The following PACSIN2 variants were observed in gnomAD, a reference collection of about 807,000 sequenced individuals.
PACSIN2 encodes protein kinase C and casein kinase substrate in neurons protein 2.
In PACSIN2, 25 loss-of-function variants were observed where a neutral mutation model predicts 63.8. The observed-to-expected ratio is 0.39, with a 90% confidence interval of 0.29 to 0.55. The LOEUF (loss-of-function observed/expected upper bound fraction) is 0.55. Ranked by LOEUF, PACSIN2 falls within the 20% of genes least tolerant of loss-of-function variation. The pLI is 0.62. For missense variants in PACSIN2, 518 were observed against 646.9 expected (o/e 0.80, Z 2.16); for synonymous variants, 255 against 256.2 (o/e 1.00, Z 0.05).
At chr22:42,975,205 G>A (rs926264011) in intron 1 of PACSIN2, among the ~76,000 whole-genome samples, 2 of 152,126 alleles carry the variant, frequency 1.3e-5, no homozygotes, top group Non-Finnish European at 2.9e-5. Flanking sequence ...CATGGAGGAC[G>A]CTCCCACCAT....
intron 1 of PACSIN2, among the ~76,000 whole-genome samples, chr22:42,994,826 C>A (rs1601613460): frequency 6.6e-6 from 1 of 152,192 alleles, no homozygotes; most frequent in South Asian, 2.1e-4. Context: ...CCTAGCATAT[C>A]CACACCTAGA....
At chr22:42,967,864 G>T (rs1270955873) in intron 1 of PACSIN2, among the ~76,000 whole-genome samples, 2 of 152,154 alleles carry the variant, frequency 1.3e-5, no homozygotes, top group Non-Finnish European at 2.9e-5. Context: ...CTCCAGCCTG[G>T]GCCGCAGAGC....
At chr22:42,898,644 C>T (rs1930461958) in intron 2 of PACSIN2, among the ~76,000 whole-genome samples, 1 of 152,096 alleles carries the variant, frequency 6.6e-6, no homozygotes, top group African/African-American at 2.4e-5. Flanking sequence ...GGCCACATCC[C>T]TCACAATCAA....
At chr22:42,905,391 A>T (rs761904578) in intron 2 of PACSIN2, among the ~76,000 whole-genome samples, 26 of 152,242 alleles carry the variant, frequency 1.7e-4, no homozygotes, top group Admixed American at 7.9e-4. Context: ...AGTCATTTAG[A>T]CTTGGCCTTG....
chr22:42,959,698 T>A (rs935529425), intron 1 of PACSIN2: 10 of 152,194 alleles, frequency 6.6e-5, no homozygotes, highest in African/African-American at 2.2e-4. Context: ...GAGAGTTCTG[T>A]TAAATCAGTC....
intron 1 of PACSIN2, among the ~76,000 whole-genome samples, chr22:42,951,925 C>T (rs1041215402): frequency 2.6e-5 from 4 of 152,312 alleles, no homozygotes; most frequent in African/African-American, 7.2e-5. Context: ...CTCGGCTTAC[C>T]TTTGCACCTG....
intron 1 of PACSIN2, among the ~76,000 whole-genome samples, chr22:42,939,047 CA>C (rs1394854847): frequency 6.6e-6 from 1 of 152,228 alleles, no homozygotes; most frequent in Non-Finnish European, 1.5e-5. Context: ...CTATCAGAAT[CA>C]GCAGCAAAGG....
chr22:42,937,439 G>A (rs1012259645), intron 1 of PACSIN2, among the ~76,000 whole-genome samples: 5 of 151,996 alleles, frequency 3.3e-5, no homozygotes, highest in African/African-American at 4.8e-5. Context: ...GAGCTTAAAC[G>A]GGCACCGAAG....
intron 1 of PACSIN2, among the ~76,000 whole-genome samples, chr22:42,944,641 A>G (rs1220257125): frequency 4.4e-4 from 67 of 152,246 alleles, no homozygotes; most frequent in Non-Finnish European, 1.6e-4. Flanking sequence ...AAAAATTGGA[A>G]ACGAGTCAGC....
chr22:42,876,853 C>A, intron 9 of PACSIN2, 35 bp downstream of exon 9: 1 of 1,613,162 alleles, frequency 6.2e-7, no homozygotes, highest in Non-Finnish European at 8.5e-7. Flanking sequence ...ACAGAGTGAG[C>A]GCGGTGGGAG....
At chr22:42,929,744 A>G (rs2146771445) in intron 1 of PACSIN2, among the ~76,000 whole-genome samples, 1 of 152,364 alleles carries the variant, frequency 6.6e-6, no homozygotes, top group South Asian at 2.1e-4. Context: ...GGCTCCAAAC[A>G]GAGCCCTGCC....
At chr22:42,899,618 T>A (rs1930534585) in intron 2 of PACSIN2, among the ~76,000 whole-genome samples, 1 of 152,194 alleles carries the variant, frequency 6.6e-6, no homozygotes, top group African/African-American at 2.4e-5. Context: ...CAGGCCTCTG[T>A]GCACAACTAG....
chr22:42,942,844 G>A (rs1030505695), intron 1 of PACSIN2, among the ~76,000 whole-genome samples: 1 of 152,158 alleles, frequency 6.6e-6, no homozygotes, highest in Non-Finnish European at 1.5e-5. Context: ...GGAAGTGTGA[G>A]CCCTCCAACT....
intron 1 of PACSIN2, among the ~76,000 whole-genome samples, chr22:42,994,249 C>G (rs2146908023): frequency 6.6e-6 from 1 of 152,342 alleles, no homozygotes; most frequent in East Asian, 1.9e-4. Context: ...AGCAGGGGGA[C>G]AGGCCTGCTC....
At chr22:42,903,378 C>T (rs1201428627) in intron 2 of PACSIN2, among the ~76,000 whole-genome samples, 1 of 152,208 alleles carries the variant, frequency 6.6e-6, no homozygotes, top group East Asian at 1.9e-4. Flanking sequence ...ATCTTCCTTT[C>T]CAAACGGGGA....
At chr22:43,004,280 G>A (rs937511162) in intron 1 of PACSIN2, among the ~76,000 whole-genome samples, 2 of 152,158 alleles carry the variant, frequency 1.3e-5, no homozygotes, top group Non-Finnish European at 2.9e-5. Flanking sequence ...AAATGGGCAG[G>A]AATGTAAAGC....
intron 2 of PACSIN2, among the ~76,000 whole-genome samples, chr22:42,906,589 C>T (rs1301221706): frequency 6.6e-6 from 1 of 152,116 alleles, no homozygotes; most frequent in Non-Finnish European, 1.5e-5. Context: ...GGAGGGTCAC[C>T]CACCAAAGAA....
chr22:42,987,373 G>A (rs996003923), intron 1 of PACSIN2, among the ~76,000 whole-genome samples: 3 of 149,770 alleles, frequency 2.0e-5, no homozygotes, highest in Admixed American at 1.3e-4. Flanking sequence ...ACCCCTACAC[G>A]CAGGTGGCTC....
intron 1 of PACSIN2, among the ~76,000 whole-genome samples, chr22:43,006,362 T>A (rs1323440998): frequency 6.6e-6 from 1 of 152,156 alleles, no homozygotes; most frequent in East Asian, 1.9e-4. Flanking sequence ...AGCCGCACAG[T>A]CACCTAGTGA....
Sources: gnomAD v4.1 joint callset for allele counts (sites outside exome capture counted in the v4.1 genomes callset) on GRCh38, gnomAD v4.1.1 for gene constraint, MANE v1.5 for transcripts, NCBI Gene and HGNC (gene_info 2026-07-23, HGNC 2026-07-21) for gene names.